Variants in PADI1 observed in about 807,000 individuals in gnomAD.
PADI1 encodes the protein protein-arginine deiminase type-1.
PADI1 carries 65 observed loss-of-function variants against 74.8 expected under a neutral mutation model. The observed-to-expected ratio is 0.87, with a 90% CI of 0.71 to 1.07. The LOEUF (loss-of-function observed/expected upper bound fraction) is 1.07, where lower values mean the gene tolerates loss of function less well. Among genes scored for constraint, PADI1 ranks in the 50% least tolerant of loss-of-function variants. PADI1 has a pLI of 0.00. For missense variants in PADI1, 943 were observed against 854.0 expected (o/e 1.10, Z -1.30); for synonymous variants, 371 against 336.2 (o/e 1.10, Z -1.13).
chr1:17,237,225 C>T (rs935454372), intron 11 of PADI1, 89 bp from the exon 12 acceptor site: 15 of 1,427,196 alleles, frequency 1.1e-5, no homozygotes, highest in Admixed American at 4.5e-5. Flanking sequence ...AGCAATTCCG[C>T]CCCCTGGTGG....
At chr1:17,236,380 A>C (rs1310023496) in intron 11 of PADI1, among the ~76,000 whole-genome samples, 1 of 152,230 alleles carries the variant, frequency 6.6e-6, no homozygotes, top group African/African-American at 2.4e-5. Context: ...AGCCTGGGTA[A>C]AGCATGTGTG....
Position 17,230,560 on chromosome 1 carries a change from C to T in PADI1, c.1054-12C>T. 1.3e-6 allele frequency: 2 copies of T among 1,583,912 alleles called. No individual in the cohort carries two copies. Among genetic ancestry groups the T allele is most frequent in the Non-Finnish European group, 8.6e-7 (1 of 1,160,482 alleles). ...AAAGGTCACTGTGGCTTTTTCATCT[C>T]TCCCCTCCCAGGACGAGATGGAGTT... On this transcript the variant is annotated splice_polypyrimidine_tract_variant and intron_variant, in intron 9 of 15. Coordinates refer to ENST00000375471, the MANE Select transcript of PADI1 (RefSeq NM_013358.3).
Position 17,238,605 on chromosome 1 carries a change from C to T in PADI1, c.1459-11C>T, listed in dbSNP as rs778800434. ...CTGTCCACTGAGCCATTCTCCCTCCCTCCGTGCCAGGGCTTCCGGCTGCTC... is the reference window on the plus strand; with the variant it reads ...CTGTCCACTGAGCCATTCTCCCTCCTTCCGTGCCAGGGCTTCCGGCTGCTC... On this transcript the variant is annotated splice_polypyrimidine_tract_variant and intron_variant, in intron 12 of 15. Coordinates refer to ENST00000375471, the MANE Select transcript of PADI1 (RefSeq NM_013358.3). The T allele has an allele frequency of 2.9e-5, 42 of 1,462,922 alleles. No homozygotes were observed. In the Admixed American group the frequency reaches 9.1e-4, roughly 32 times the overall value. The allele number at this position is 1,462,922 out of a possible 1,614,324, so 90.6% of individuals were successfully genotyped here.
chr1:17,222,831 C>T (rs1039402158), intron 2 of PADI1, among the ~76,000 whole-genome samples: 13 of 152,184 alleles, frequency 8.5e-5, no homozygotes, highest in African/African-American at 1.4e-4. Flanking sequence ...AACAACAACC[C>T]GTGCAGGTGC....
chr1:17,211,986 A>G (rs1243898308), intron 1 of PADI1, among the ~76,000 whole-genome samples: 1 of 152,218 alleles, frequency 6.6e-6, no homozygotes, highest in Non-Finnish European at 1.5e-5. Flanking sequence ...CCAGCATGGG[A>G]CCTGATGTAC....
At chr1:17,237,200 T>G in intron 11 of PADI1, 114 bp from the exon 12 acceptor site, 3 of 1,252,856 alleles carry the variant, frequency 2.4e-6, no homozygotes, top group Non-Finnish European at 3.3e-6. Context: ...CGCCCCACGT[T>G]TAAAGCGTTC....
rs753743701 is a variant in PADI1, at chr1:17,244,299, G to A, written c.*56G>A. ...TCTTGCTAGGGAACCCTGCCAGGGTGAAGGCAAGGAACAACCACCTGGCCT... is the reference window on the plus strand; with the variant it reads ...TCTTGCTAGGGAACCCTGCCAGGGTAAAGGCAAGGAACAACCACCTGGCCT... On this transcript the variant is annotated 3_prime_UTR_variant, in exon 16 of 16. Transcript: ENST00000375471. The A allele has an allele frequency of 1.5e-6, 2 of 1,346,524 alleles. No individual in the cohort carries two copies. 83.4% of individuals were successfully genotyped at this position (1,346,524 alleles called of 1,614,324 possible). A position where few individuals can be genotyped will look rare whatever the true frequency, so the allele number is the denominator to read the frequency against.
chr1:17,238,527 T>G, intron 12 of PADI1, 89 bp from the exon 13 acceptor site: 1 of 561,114 alleles, frequency 1.8e-6, no homozygotes, highest in South Asian at 4.6e-5. Flanking sequence ...TCCCAAGAAC[T>G]GTCAGGCCCC....
chr1:17,232,063 C>G (rs949266508), intron 10 of PADI1, among the ~76,000 whole-genome samples: 5 of 152,146 alleles, frequency 3.3e-5, no homozygotes, highest in Admixed American at 2.0e-4. Context: ...CTCAGCCTCC[C>G]GAGTAGCTGG....
At chr1:17,224,798 C>T (rs1004523104) in intron 4 of PADI1, among the ~76,000 whole-genome samples, 4 of 151,908 alleles carry the variant, frequency 2.6e-5, no homozygotes, top group African/African-American at 9.7e-5. Flanking sequence ...AGAAGACAAG[C>T]CTTGGGGTAG....
At chr1:17,230,239 C>A (rs1246562019) in intron 9 of PADI1, 31 bp downstream of exon 9, 3 of 1,603,182 alleles carry the variant, frequency 1.9e-6, no homozygotes, top group Non-Finnish European at 2.6e-6. Context: ...GGGAAGCCTG[C>A]AGCCTGGCTT....
chr1:17,219,417 G>A lies in PADI1; in HGVS notation c.93-2873G>A, dbSNP rs764935306. On this transcript the variant is annotated intron_variant, in intron 1 of 15. Transcript: ENST00000375471. ...GTGAGCTGGAATATTGGGAAGCGGT[G>A]TCCGAGTGGGTTGCTAACAGGGGAG... Among the ~76,000 whole-genome samples, 13 of 152,168 alleles carry A rather than the reference G, an allele frequency of 8.5e-5. No individual in the cohort carries two copies. In the South Asian group the frequency reaches 1.2e-3, roughly 15 times the overall value.
intron 6 of PADI1, among the ~76,000 whole-genome samples, chr1:17,227,309 A>T (rs2072344701): frequency 6.6e-6 from 1 of 151,420 alleles, no homozygotes; most frequent in South Asian, 2.1e-4. Flanking sequence ...GCACTTTGGG[A>T]GGCCAAGGCG....
chr1:17,233,103 C>A, intron 11 of PADI1, 133 bp downstream of exon 11: 1 of 859,768 alleles, frequency 1.2e-6, no homozygotes, highest in Non-Finnish European at 1.7e-6. Context: ...ATCCTGGAAT[C>A]AAAGACTCGG....
chr1:17,243,405 C>G (rs2072816366), intron 15 of PADI1, among the ~76,000 whole-genome samples: 1 of 152,220 alleles, frequency 6.6e-6, no homozygotes, highest in Non-Finnish European at 1.5e-5. Context: ...GATCCAAGTC[C>G]AAATGTCAGT....
chr1:17,226,479 C>T (rs1357558570), intron 6 of PADI1, among the ~76,000 whole-genome samples: 1 of 152,198 alleles, frequency 6.6e-6, no homozygotes, highest in Non-Finnish European at 1.5e-5. Context: ...GTTCCCTCCT[C>T]TGGTCAATCA....
intron 1 of PADI1, among the ~76,000 whole-genome samples, chr1:17,218,136 T>C (rs963222926): frequency 6.6e-6 from 1 of 152,174 alleles, no homozygotes; most frequent in African/African-American, 2.4e-5. Flanking sequence ...TGGGATGCAA[T>C]TGCATTGGTC....
chr1:17,219,301 G>C (rs1026936302), intron 1 of PADI1, among the ~76,000 whole-genome samples: 3 of 152,036 alleles, frequency 2.0e-5, no homozygotes, highest in African/African-American at 7.2e-5. Context: ...AGGGATGAGG[G>C]ACAGCAGTGG....
intron 14 of PADI1, 84 bp downstream of exon 14, chr1:17,239,867 A>C: frequency 9.0e-7 from 1 of 1,115,408 alleles, no homozygotes; most frequent in Non-Finnish European, 1.3e-6. Flanking sequence ...TGGGTCAGAG[A>C]TTCAGCGCTG....
Sources: allele counts gnomAD v4.1 joint callset (sites outside exome capture counted in the v4.1 genomes callset), GRCh38; gene constraint gnomAD v4.1.1; transcripts MANE v1.5; gene names NCBI Gene and HGNC (gene_info 2026-07-23, HGNC 2026-07-21).